SPIDR: variants seen among roughly 807,000 people sequenced by gnomAD.
SPIDR encodes the protein DNA repair-scaffolding protein.
In SPIDR, 93 loss-of-function variants were observed where a neutral mutation model predicts 104.6. The ratio of observed to expected loss-of-function variants is 0.89; its 90% confidence interval spans 0.75 to 1.06. The LOEUF is 1.06. Among genes scored for constraint, SPIDR ranks in the 50% least tolerant of loss-of-function variants. The pLI is 0.00. For synonymous variants in SPIDR, 431 were observed against 416.9 expected, an observed-to-expected ratio of 1.03 and a Z score of -0.41; for missense variants, 1,154 against 1,111.2, an observed-to-expected ratio of 1.04 and a Z score of -0.55.
rs1426647087 is a variant in SPIDR, at chr8:47,710,972, C to T, written c.1978-1690C>T. On this transcript the variant is annotated intron_variant, in intron 14 of 19. Transcript: ENST00000297423. ...ATTTTATTTTTTGTAGAGATGGGGT[C>T]TCACTATATTGGCCCAGCTGGGCTC... Among the ~76,000 whole-genome samples, 3 of 151,960 alleles carry T rather than the reference C, an allele frequency of 2.0e-5. No individual in the cohort carries two copies. The South Asian group carries it at 6.2e-4, about 32-fold the overall frequency.
intron 8 of SPIDR, among the ~76,000 whole-genome samples, chr8:47,453,210 A>G (rs1343317778): frequency 2.6e-5 from 4 of 152,218 alleles, no homozygotes; most frequent in Non-Finnish European, 5.9e-5. Flanking sequence ...ATGAAATAAA[A>G]GAGGATACAG....
chr8:47,516,266 A>T (rs2083126621), intron 8 of SPIDR, among the ~76,000 whole-genome samples: 1 of 152,212 alleles, frequency 6.6e-6, no homozygotes, highest in African/African-American at 2.4e-5. Flanking sequence ...TTTAAAAAAA[A>T]TTGTGGTAAA....
intron 2 of SPIDR, among the ~76,000 whole-genome samples, chr8:47,281,283 G>A (rs887251728): frequency 6.6e-5 from 10 of 152,318 alleles, no homozygotes; most frequent in South Asian, 2.1e-4. Context: ...ATGGTTGGTG[G>A]TTGAAGATTG....
chr8:47,420,626 T>C (rs986940216), intron 7 of SPIDR, among the ~76,000 whole-genome samples: 4 of 152,222 alleles, frequency 2.6e-5, no homozygotes, highest in African/African-American at 7.2e-5. Context: ...TTAAAGTTAA[T>C]ATTGTTAGGT....
intron 10 of SPIDR, among the ~76,000 whole-genome samples, chr8:47,661,598 T>C (rs546872728): frequency 6.6e-6 from 1 of 152,358 alleles, no homozygotes; most frequent in East Asian, 1.9e-4. Context: ...AGCCACTGGT[T>C]CCCAATATTT....
At chr8:47,696,669 ACT>A (rs936668261) in intron 11 of SPIDR, among the ~76,000 whole-genome samples, 4 of 152,206 alleles carry the variant, frequency 2.6e-5, no homozygotes, top group South Asian at 2.1e-4. Flanking sequence ...ATGCTGCCAC[ACT>A]CTCATAGAAA....
intron 8 of SPIDR, among the ~76,000 whole-genome samples, chr8:47,591,779 C>T (rs2061038447): frequency 6.6e-6 from 1 of 151,648 alleles, no homozygotes; most frequent in Non-Finnish European, 1.5e-5. Context: ...TACCTCCCCC[C>T]TCAAAAAAAA....
intron 14 of SPIDR, among the ~76,000 whole-genome samples, chr8:47,704,411 C>G (rs2080774996): frequency 6.6e-6 from 1 of 152,176 alleles, no homozygotes; most frequent in Non-Finnish European, 1.5e-5. Context: ...ATACACACAA[C>G]CAAACCCTGG....
At chr8:47,620,784 A>G (rs1366259222) in intron 10 of SPIDR, among the ~76,000 whole-genome samples, 1 of 147,452 alleles carries the variant, frequency 6.8e-6, no homozygotes, top group Non-Finnish European at 1.5e-5. Context: ...CGCCCGGCTA[A>G]TTTTTTGTAT....
chr8:47,699,885 A>G (rs1010705840), intron 11 of SPIDR, among the ~76,000 whole-genome samples: 1 of 152,228 alleles, frequency 6.6e-6, no homozygotes, highest in Admixed American at 6.5e-5. Context: ...AGTAATACAT[A>G]TCTGTTTGGG....
chr8:47,388,172 C>A lies in SPIDR; in HGVS notation c.526-8204C>A, dbSNP rs558539964. 2.0e-5 allele frequency among the ~76,000 whole-genome samples: 3 copies of A among 152,298 alleles called. No homozygotes were observed. In the South Asian group the frequency reaches 6.2e-4, roughly 32 times the overall value. ...GTTTTAGATCAACCAGAAATAAGGG[C>A]TCCATTTTTTGTCCATTTGGAGCAC... On this transcript the variant is annotated intron_variant, in intron 5 of 19. Coordinates refer to ENST00000297423, the MANE Select transcript of SPIDR (RefSeq NM_001080394.4).
At chr8:47,668,436 A>G (rs892260327) in intron 10 of SPIDR, among the ~76,000 whole-genome samples, 1 of 152,108 alleles carries the variant, frequency 6.6e-6, no homozygotes, top group South Asian at 2.1e-4. Context: ...AATACAGATA[A>G]AGCATTTGAT....
intron 16 of SPIDR, among the ~76,000 whole-genome samples, chr8:47,724,986 G>A (rs2083999252): frequency 1.3e-5 from 2 of 152,184 alleles, no homozygotes; most frequent in South Asian, 2.1e-4. Context: ...CTGTAGGAAG[G>A]GATGCAGCAG....
intron 1 of SPIDR, among the ~76,000 whole-genome samples, chr8:47,272,742 T>C (rs973599654): frequency 1.1e-4 from 17 of 152,166 alleles, no homozygotes; most frequent in Admixed American, 7.9e-4. Flanking sequence ...TATCTCACGA[T>C]TAGGAGAAAT....
intron 8 of SPIDR, among the ~76,000 whole-genome samples, chr8:47,571,504 C>G (rs1327139374): frequency 6.6e-6 from 1 of 152,062 alleles, no homozygotes; most frequent in East Asian, 1.9e-4. Context: ...TCCTACTTCC[C>G]TCCCAGAATT....
chr8:47,621,715 T>C (rs2065198105), intron 10 of SPIDR, among the ~76,000 whole-genome samples: 1 of 152,212 alleles, frequency 6.6e-6, no homozygotes, highest in Non-Finnish European at 1.5e-5. Flanking sequence ...ATTTTCAAAC[T>C]TTAAAAGTTC....
chr8:47,660,899 A>G (rs1563459080), intron 10 of SPIDR: 1 of 957,034 alleles, frequency 1.0e-6, no homozygotes, highest in East Asian at 1.2e-4. Flanking sequence ...ATGTGTAACA[A>G]TGCGCATTTG....
rs185783450 is a variant in SPIDR at position 47,330,730 on chromosome 8, T to A, written c.525+36700T>A. 3.2e-3 allele frequency: 1,447 copies of A among 455,946 alleles called. 5 individuals carry two copies. Among genetic ancestry groups the A allele is most frequent in the Middle Eastern group, 0.01 (32 of 3,072 alleles). The allele number at this position is 455,946 out of a possible 1,614,324, so 28.2% of individuals were successfully genotyped here. ...ACTGAATTATGTTCCATTGTCTGGA[T>A]ATAACACTTTATCCATTCATCTACC... On this transcript the variant is annotated intron_variant, in intron 5 of 19. Coordinates refer to ENST00000297423, the MANE Select transcript of SPIDR (RefSeq NM_001080394.4).
intron 10 of SPIDR, among the ~76,000 whole-genome samples, chr8:47,602,965 A>C (rs2062474390): frequency 6.6e-6 from 1 of 152,226 alleles, no homozygotes; most frequent in Non-Finnish European, 1.5e-5. Context: ...AAGGTGTTGT[A>C]GGTCAGAGTA....
Sources: allele counts gnomAD v4.1 joint callset (sites outside exome capture counted in the v4.1 genomes callset), GRCh38; gene constraint gnomAD v4.1.1; transcripts MANE v1.5; gene names NCBI Gene and HGNC (gene_info 2026-07-23, HGNC 2026-07-21).